Variants in WT1 observed in about 807,000 individuals in gnomAD.
WT1 encodes Wilms tumor protein.
WT1 carries 8 observed loss-of-function variants against 60.8 expected under a neutral mutation model. That is an observed-to-expected ratio of 0.13 (90% confidence interval 0.08 to 0.24). The LOEUF (loss-of-function observed/expected upper bound fraction) is 0.24, where lower values mean the gene tolerates loss of function less well. Among genes scored for constraint, WT1 ranks in the 10% least tolerant of loss-of-function variants. The pLI is 1.00. For synonymous variants in WT1, 312 were observed against 297.1 expected, an observed-to-expected ratio of 1.05 and a Z score of -0.52; for missense variants, 568 against 711.8, an observed-to-expected ratio of 0.80 and a Z score of 2.30.
chr11:32,431,517 A>T (rs1371733396), intron 1 of WT1, among the ~76,000 whole-genome samples: 11 of 147,942 alleles, frequency 7.4e-5, no homozygotes, highest in African/African-American at 2.8e-4. Flanking sequence ...GCTCACTTCA[A>T]CCTCAGCCTC....
rs3930513 is a variant in WT1, at chr11:32,433,981, C to A, written c.661+719G>T. 0.52 allele frequency among the ~76,000 whole-genome samples: 78,895 copies of A among 152,190 alleles called. 23,521 individuals are homozygous for A. Among genetic ancestry groups the A allele is most frequent in the African/African-American group, 0.8 (33,349 of 41,538 alleles). ...AGAACCTGGTCCCGCATAGCTTGGA[C>A]TCGGATAAGTCAAGTTCTCTTCCAT... On this transcript the variant is annotated intron_variant, in intron 1 of 9. Coordinates refer to ENST00000452863, the MANE Select transcript of WT1 (RefSeq NM_024426.6).
chr11:32,420,524 A>C (rs941477733), intron 3 of WT1, among the ~76,000 whole-genome samples: 2 of 152,170 alleles, frequency 1.3e-5, no homozygotes, highest in African/African-American at 2.4e-5. Context: ...AATACTGCTC[A>C]CAACTTTGTG....
chr11:32,430,451 G>GA, intron 1 of WT1: 20 of 917,078 alleles, frequency 2.2e-5, no homozygotes, highest in Middle Eastern at 2.9e-4. Flanking sequence ...AGAGAGAGAG[G>GA]GAGGGAGAGA....
intron 3 of WT1, among the ~76,000 whole-genome samples, chr11:32,421,702 C>G (rs1474356864): frequency 6.6e-6 from 1 of 152,108 alleles, no homozygotes; most frequent in Non-Finnish European, 1.5e-5. Flanking sequence ...AAGTTCTCGA[C>G]CTCTGCACAA....
intron 3 of WT1, among the ~76,000 whole-genome samples, chr11:32,426,306 T>A (rs1853034318): frequency 6.6e-6 from 1 of 152,148 alleles, no homozygotes; most frequent in South Asian, 2.1e-4. Context: ...GTGGGAACCA[T>A]TCCAACAGCC....
chr11:32,421,220 G>A (rs922433532), intron 3 of WT1, among the ~76,000 whole-genome samples: 1 of 152,214 alleles, frequency 6.6e-6, no homozygotes, highest in Non-Finnish European at 1.5e-5. Context: ...TCTCATCATG[G>A]AAGCCCATGG....
In WT1 at chr11:32,430,451, G is replaced by GGGTA. The variant is rs1366922803; in HGVS notation, c.662-1833_662-1832insTACC. The GGGTA allele has an allele frequency of 1.5e-4, 138 of 923,746 alleles. No homozygotes were observed. In the African/African-American group the frequency reaches 3.8e-3, roughly 25 times the overall value. 57.2% of individuals were successfully genotyped at this position (923,746 alleles called of 1,614,324 possible). On this transcript the variant is annotated intron_variant, in intron 1 of 9. Coordinates refer to ENST00000452863, the MANE Select transcript of WT1 (RefSeq NM_024426.6). ...CAGACACAGAGAGAGAGAGAGAGAG[G>GGGTA]GAGGGAGAGAGAGAGAGAGAGAGAG...
At chr11:32,429,978 GAAAAA>G (rs71980595) in intron 1 of WT1, among the ~76,000 whole-genome samples, 9 of 91,258 alleles carry the variant, frequency 9.9e-5, no homozygotes, top group South Asian at 3.5e-4. Flanking sequence ...CCCCCGCCCA[GAAAAA>G]AAAAAAAAGA....
intron 5 of WT1, among the ~76,000 whole-genome samples, chr11:32,410,919 G>A (rs529299665): frequency 2.6e-5 from 4 of 152,274 alleles, no homozygotes; most frequent in Non-Finnish European, 5.9e-5. Flanking sequence ...CTACCTAGAG[G>A]TTATGATCTT....
chr11:32,414,652 C>A (rs568488328), intron 5 of WT1, among the ~76,000 whole-genome samples: 1 of 152,134 alleles, frequency 6.6e-6, no homozygotes, highest in African/African-American at 2.4e-5. Flanking sequence ...TGTGGCGGAT[C>A]GCCTGAGGTC....
At chr11:32,416,418 C>T in intron 5 of WT1, 72 bp downstream of exon 5, 1 of 1,597,688 alleles carries the variant, frequency 6.3e-7, no homozygotes, top group South Asian at 1.1e-5. Flanking sequence ...AGTCCTAACT[C>T]CTGCATTGCC....
chr11:32,390,696 C>T (rs1851791544), intron 9 of WT1, among the ~76,000 whole-genome samples: 1 of 152,192 alleles, frequency 6.6e-6, no homozygotes, highest in Non-Finnish European at 1.5e-5. Flanking sequence ...TAATCCCAAC[C>T]CTGTCTCTTG....
intron 1 of WT1, among the ~76,000 whole-genome samples, chr11:32,434,417 C>T (rs571640030): frequency 2.6e-5 from 4 of 152,254 alleles, no homozygotes; most frequent in Non-Finnish European, 5.9e-5. Flanking sequence ...CTAGCAGTCC[C>T]GGAATCTCTC....
chr11:32,418,398 C>T (rs1852748773), intron 3 of WT1, among the ~76,000 whole-genome samples: 2 of 152,096 alleles, frequency 1.3e-5, no homozygotes, highest in Non-Finnish European at 2.9e-5. Flanking sequence ...AGAAAATTAG[C>T]ACATGAATCA....
intron 6 of WT1, among the ~76,000 whole-genome samples, chr11:32,399,299 C>A (rs979347840): frequency 6.6e-6 from 1 of 152,014 alleles, no homozygotes; most frequent in Non-Finnish European, 1.5e-5. Context: ...AGGTACATGG[C>A]ATTATGCATT....
chr11:32,416,582 C>G (rs764644655), intron 4 of WT1, 42 bp from the exon 5 acceptor site: 1 of 1,612,772 alleles, frequency 6.2e-7, no homozygotes, highest in African/African-American at 1.3e-5. Context: ...ATGGAGCATG[C>G]ATGGATCTGG....
chr11:32,419,168 T>A (rs898093558), intron 3 of WT1, among the ~76,000 whole-genome samples: 1 of 152,116 alleles, frequency 6.6e-6, no homozygotes, highest in Non-Finnish European at 1.5e-5. Context: ...AAGGCTGGAG[T>A]AATTAATTCC....
At chr11:32,404,216 C>T (rs1305780359) in intron 5 of WT1, among the ~76,000 whole-genome samples, 2 of 147,626 alleles carry the variant, frequency 1.4e-5, no homozygotes, top group Non-Finnish European at 3.0e-5. Flanking sequence ...TTGCAGTGAG[C>T]CGAGATCGTG....
intron 6 of WT1, among the ~76,000 whole-genome samples, chr11:32,399,433 A>C (rs1852078545): frequency 6.6e-6 from 1 of 152,188 alleles, no homozygotes; most frequent in Non-Finnish European, 1.5e-5. Flanking sequence ...ATCAATACAA[A>C]ATGGTACTAA....
Sources: gnomAD v4.1 joint callset for allele counts (sites outside exome capture counted in the v4.1 genomes callset) on GRCh38, gnomAD v4.1.1 for gene constraint, MANE v1.5 for transcripts, NCBI Gene and HGNC (gene_info 2026-07-23, HGNC 2026-07-21) for gene names.